The following DIAPH3 variants were observed in gnomAD, a reference collection of about 807,000 sequenced individuals.
The protein encoded by DIAPH3 is protein diaphanous homolog 3.
DIAPH3 carries 117 observed loss-of-function variants against 144.3 expected under a neutral mutation model. That is an observed-to-expected ratio of 0.81 (90% CI 0.70 to 0.95). The LOEUF is 0.95. DIAPH3 is among the 40% of genes least tolerant of loss of function. DIAPH3 has a pLI of 0.00. For synonymous variants in DIAPH3, 519 were observed against 488.9 expected (o/e 1.06, Z -0.81); for missense variants, 1,421 against 1,412.7 (o/e 1.01, Z -0.09).
At chr13:60,082,542 T>C (rs972397623) in intron 4 of DIAPH3, among the ~76,000 whole-genome samples, 3 of 137,354 alleles carry the variant, frequency 2.2e-5, no homozygotes, top group Non-Finnish European at 4.6e-5. Flanking sequence ...TTAAGCTTTT[T>C]GCTAGAAAAA....
chr13:59,703,469 C>T (rs531402226), intron 27 of DIAPH3, among the ~76,000 whole-genome samples: 1 of 152,120 alleles, frequency 6.6e-6, no homozygotes, highest in Non-Finnish European at 1.5e-5. Flanking sequence ...TCTGCTTCTG[C>T]CTGGATATTT....
intron 27 of DIAPH3, among the ~76,000 whole-genome samples, chr13:59,761,774 T>C (rs1279591424): frequency 6.6e-6 from 1 of 152,126 alleles, no homozygotes; most frequent in Non-Finnish European, 1.5e-5. Flanking sequence ...GGTTTATATA[T>C]AGCATTGGAA....
chr13:59,714,300 C>T (rs979898286), intron 27 of DIAPH3, among the ~76,000 whole-genome samples: 12 of 143,114 alleles, frequency 8.4e-5, no homozygotes, highest in Admixed American at 2.2e-4. Flanking sequence ...GCGGAGCTTG[C>T]AGTGAGCCGA....
chr13:60,101,069 C>A (rs888947673), intron 3 of DIAPH3, among the ~76,000 whole-genome samples: 1 of 152,178 alleles, frequency 6.6e-6, no homozygotes, highest in Non-Finnish European at 1.5e-5. Context: ...TTTACAAAGA[C>A]CTCTAGTACT....
In DIAPH3 at chr13:59,916,176, CCGT is replaced by C. The variant is rs527551917; in HGVS notation, c.2241_2243del (p.Arg748del). 1.9e-5 allele frequency: 30 copies of C among 1,612,978 alleles called. No homozygotes were observed. The highest frequency in any genetic ancestry group is 2.5e-5 in the Non-Finnish European group (30 of 1,179,378). On this transcript the variant is annotated inframe_deletion, in exon 19 of 28. Transcript: ENST00000400324. Reference sequence around the variant, plus strand: ...TTACCTGAATCATAGACTCTGCCAACCGTGTTTCATCTACTTCCAATATCATCA... The same window carrying C: ...TTACCTGAATCATAGACTCTGCCAACGTTTCATCTACTTCCAATATCATCA...
intron 4 of DIAPH3, among the ~76,000 whole-genome samples, chr13:60,049,591 G>A (rs1453536826): frequency 6.6e-6 from 1 of 152,154 alleles, no homozygotes; most frequent in African/African-American, 2.4e-5. Context: ...CGTGAGCCAC[G>A]CAATGGGTCC....
intron 27 of DIAPH3, among the ~76,000 whole-genome samples, chr13:59,671,455 G>A (rs193103713): frequency 6.6e-6 from 1 of 152,276 alleles, no homozygotes; most frequent in East Asian, 1.9e-4. Flanking sequence ...ATTCTTCAAG[G>A]TGAGGAGTTT....
chr13:60,014,833 C>T (rs1347251935), intron 7 of DIAPH3, among the ~76,000 whole-genome samples: 1 of 152,122 alleles, frequency 6.6e-6, no homozygotes, highest in Admixed American at 6.5e-5. Context: ...TGTTTAGATG[C>T]TGGAGCTTAA....
intron 17 of DIAPH3, among the ~76,000 whole-genome samples, chr13:59,958,990 C>T (rs1334467163): frequency 6.6e-6 from 1 of 151,390 alleles, no homozygotes; most frequent in Non-Finnish European, 1.5e-5. Flanking sequence ...ATTATCCTGC[C>T]TCAGCCTCCC....
chr13:59,958,397 TTAAGA>T (rs1254536433), intron 17 of DIAPH3, among the ~76,000 whole-genome samples: 11 of 152,196 alleles, frequency 7.2e-5, no homozygotes, highest in African/African-American at 1.4e-4. Context: ...AATAAAAACT[TTAAGA>T]TAAGGAAACT....
At chr13:59,762,284 T>C (rs928195539) in intron 27 of DIAPH3, among the ~76,000 whole-genome samples, 5 of 151,938 alleles carry the variant, frequency 3.3e-5, no homozygotes, top group Non-Finnish European at 7.4e-5. Context: ...ATGGTCTCGA[T>C]CTCCTGACAT....
chr13:60,082,033 T>C (rs1293314323), intron 4 of DIAPH3, among the ~76,000 whole-genome samples: 4 of 151,908 alleles, frequency 2.6e-5, no homozygotes, highest in South Asian at 2.1e-4. Context: ...ATAAATCAAA[T>C]TGTAACTTAC....
Position 59,666,746 on chromosome 13 carries a change from T to C in DIAPH3, c.3420A>G (p.Leu1140=). Residue 1140 remains leucine, a synonymous_variant, in exon 28 of 28, where the codon CTA becomes CTG. Coordinates refer to ENST00000400324, the MANE Select transcript of DIAPH3 (RefSeq NM_001042517.2). The part of the protein sequence containing the change: ...TPVAKELNYN[L]DTHTSTGRIK... ...TCCTCCCAGTAGACGTATGAGTGTC[T>C]AGATTATAATTAAGCTCCTTGGCGA... 6.2e-7 allele frequency: 1 copy of C among 1,614,164 alleles called. No individual in the cohort carries two copies. The highest frequency in any genetic ancestry group is 8.5e-7 in the Non-Finnish European group (1 of 1,180,006).
chr13:59,738,824 T>C (rs139790548), intron 27 of DIAPH3, among the ~76,000 whole-genome samples: 2 of 152,308 alleles, frequency 1.3e-5, no homozygotes, highest in East Asian at 3.9e-4. Context: ...TTTTGAAAAG[T>C]CAGTTTGACC....
At chr13:59,903,328 T>C (rs1028348818) in intron 20 of DIAPH3, among the ~76,000 whole-genome samples, 1 of 152,198 alleles carries the variant, frequency 6.6e-6, no homozygotes, top group Non-Finnish European at 1.5e-5. Context: ...GTTGGTTTGG[T>C]GGAGATATCC....
At chr13:59,747,812 C>A (rs1397444256) in intron 27 of DIAPH3, among the ~76,000 whole-genome samples, 1 of 152,158 alleles carries the variant, frequency 6.6e-6, no homozygotes, top group East Asian at 1.9e-4. Context: ...GACAGGAGAG[C>A]CATTTTGGTT....
At chr13:59,928,547 T>C (rs1301672239) in intron 17 of DIAPH3, among the ~76,000 whole-genome samples, 1 of 152,228 alleles carries the variant, frequency 6.6e-6, no homozygotes, top group Non-Finnish European at 1.5e-5. Flanking sequence ...GCTAAGACTT[T>C]TTCCTGCAGA....
At chr13:59,966,203 C>T (rs1250382217) in intron 17 of DIAPH3, among the ~76,000 whole-genome samples, 1 of 151,810 alleles carries the variant, frequency 6.6e-6, no homozygotes, top group Non-Finnish European at 1.5e-5. Context: ...TACTTTCCCA[C>T]AGAAGCGTTG....
chr13:59,688,212 G>C (rs2033316376), intron 27 of DIAPH3, among the ~76,000 whole-genome samples: 1 of 151,990 alleles, frequency 6.6e-6, no homozygotes, highest in African/African-American at 2.4e-5. Context: ...TTCTCAGCTT[G>C]ATAAATTGTT....
Sources: gnomAD v4.1 joint callset for allele counts (sites outside exome capture counted in the v4.1 genomes callset) on GRCh38, gnomAD v4.1.1 for gene constraint, MANE v1.5 for transcripts, NCBI Gene and HGNC (gene_info 2026-07-23, HGNC 2026-07-21) for gene names.